Variants in STK39 observed in about 807,000 individuals in gnomAD.
STK39 encodes STE20/SPS1-related proline-alanine-rich protein kinase.
A neutral mutation model predicts 77.8 loss-of-function variants in STK39; 20 were observed. The observed-to-expected ratio is 0.26, with a 90% CI of 0.18 to 0.37. The LOEUF (loss-of-function observed/expected upper bound fraction) is 0.37. Ranked by LOEUF, STK39 falls within the 10% of genes least tolerant of loss-of-function variation. The pLI is 1.00. For synonymous variants in STK39, 246 were observed against 234.1 expected (o/e 1.05, Z -0.47); for missense variants, 479 against 656.5 (o/e 0.73, Z 2.95).
At position 168,164,595 on chromosome 2, in the gene STK39, T is replaced by TG. The variant is rs1688652576; in HGVS notation, c.431-716dup. 2.6e-5 allele frequency among the ~76,000 whole-genome samples: 4 copies of TG among 152,194 alleles called. No individual in the cohort carries two copies. The South Asian group carries it at 8.3e-4, about 32-fold the overall frequency. ...CTAATTTTTGTATTTTTTGTAGAGA[T>TG]GGGGTCTTACCACGTTGCCCATGCC... On this transcript the variant is annotated intron_variant, in intron 3 of 17. Coordinates refer to ENST00000355999, the MANE Select transcript of STK39 (RefSeq NM_013233.3).
intron 5 of STK39, among the ~76,000 whole-genome samples, chr2:168,158,969 T>C (rs1374578638): frequency 3.3e-5 from 5 of 152,200 alleles, no homozygotes; most frequent in Admixed American, 3.3e-4. Flanking sequence ...AGTGAGGGTT[T>C]CTCATGGTCT....
intron 17 of STK39, among the ~76,000 whole-genome samples, chr2:167,961,895 G>T (rs149153967): frequency 2.8e-4 from 42 of 152,260 alleles, no homozygotes; most frequent in African/African-American, 9.6e-4. Flanking sequence ...GGAACCCCAG[G>T]CTCTCTGGGG....
chr2:168,111,610 G>A (rs1186485775), intron 10 of STK39, among the ~76,000 whole-genome samples: 1 of 152,120 alleles, frequency 6.6e-6, no homozygotes, highest in Non-Finnish European at 1.5e-5. Flanking sequence ...TTGATAAAAT[G>A]ACCCAACTTA....
chr2:168,020,981 T>C (rs886255292), intron 14 of STK39, among the ~76,000 whole-genome samples: 1 of 152,148 alleles, frequency 6.6e-6, no homozygotes, highest in Non-Finnish European at 1.5e-5. Flanking sequence ...ATATGAGCAA[T>C]GATTCACTTC....
intron 1 of STK39, among the ~76,000 whole-genome samples, chr2:168,206,709 T>A (rs1455383452): frequency 6.6e-6 from 1 of 152,310 alleles, no homozygotes; most frequent in East Asian, 1.9e-4. Flanking sequence ...CATTTTATGG[T>A]GTTATGGATC....
chr2:168,007,669 C>G (rs1684165327), intron 16 of STK39, among the ~76,000 whole-genome samples: 1 of 151,826 alleles, frequency 6.6e-6, no homozygotes, highest in African/African-American at 2.4e-5. Context: ...AGGGGGTGGG[C>G]ATATATGGCC....
chr2:167,999,672 C>T (rs1183852366), intron 16 of STK39, among the ~76,000 whole-genome samples: 1 of 152,044 alleles, frequency 6.6e-6, no homozygotes, highest in African/African-American at 2.4e-5. Flanking sequence ...CCATGTTAGC[C>T]AGGATGGTCT....
intron 5 of STK39, among the ~76,000 whole-genome samples, chr2:168,157,960 A>C (rs1167306371): frequency 6.6e-6 from 1 of 152,164 alleles, no homozygotes; most frequent in African/African-American, 2.4e-5. Context: ...GATTAGCAGA[A>C]ACCACCTCAA....
intron 14 of STK39, among the ~76,000 whole-genome samples, chr2:168,041,925 T>C (rs1685116929): frequency 6.6e-6 from 1 of 152,228 alleles, no homozygotes; most frequent in African/African-American, 2.4e-5. Context: ...TCTGCCATGT[T>C]ATCCAAGGTT....
At chr2:167,973,759 A>C (rs1051677812) in intron 16 of STK39, among the ~76,000 whole-genome samples, 2 of 152,172 alleles carry the variant, frequency 1.3e-5, no homozygotes, top group African/African-American at 4.8e-5. Flanking sequence ...GTTTTAAATT[A>C]AGTAAGAATA....
intron 10 of STK39, among the ~76,000 whole-genome samples, chr2:168,125,091 C>A (rs1252097759): frequency 1.3e-5 from 2 of 152,074 alleles, no homozygotes; most frequent in African/African-American, 2.4e-5. Flanking sequence ...CCTGCACGTT[C>A]TGCACATGTA....
intron 10 of STK39, among the ~76,000 whole-genome samples, chr2:168,084,923 T>C (rs1221302321): frequency 6.6e-6 from 1 of 152,188 alleles, no homozygotes; most frequent in East Asian, 1.9e-4. Context: ...AGGATCTTAA[T>C]AGTTTGTGTT....
chr2:168,155,290 T>C (rs924070272), intron 5 of STK39, among the ~76,000 whole-genome samples: 6 of 152,186 alleles, frequency 3.9e-5, no homozygotes, highest in African/African-American at 1.4e-4. Context: ...TCCCCAAGTA[T>C]TTCTCACTGA....
At chr2:168,004,997 C>CTTTT (rs10563812) in intron 16 of STK39, among the ~76,000 whole-genome samples, 11 of 77,558 alleles carry the variant, frequency 1.4e-4, no homozygotes, top group Admixed American at 1.7e-4. Flanking sequence ...AGAAGGCCCT[C>CTTTT]TTTTTTTTTT....
chr2:168,155,804 C>T (rs1688412194), intron 5 of STK39, among the ~76,000 whole-genome samples: 1 of 152,180 alleles, frequency 6.6e-6, no homozygotes, highest in Non-Finnish European at 1.5e-5. Context: ...TCCCTCCCTG[C>T]TAAGCTGATA....
chr2:168,094,737 C>T (rs1202750819), intron 10 of STK39, among the ~76,000 whole-genome samples: 1 of 152,138 alleles, frequency 6.6e-6, no homozygotes, highest in Admixed American at 6.5e-5. Context: ...TTTGTTCTCT[C>T]TGTCATGTCC....
chr2:168,064,238 T>C (rs528311533), intron 13 of STK39, among the ~76,000 whole-genome samples: 1 of 152,322 alleles, frequency 6.6e-6, no homozygotes, highest in Admixed American at 6.5e-5. Context: ...TAGATGAAAG[T>C]GAGTCATAAA....
intron 10 of STK39, among the ~76,000 whole-genome samples, chr2:168,079,409 C>G (rs745622628): frequency 1.5e-4 from 23 of 152,190 alleles, no homozygotes; most frequent in Non-Finnish European, 2.9e-4. Flanking sequence ...CCTTCCTATC[C>G]AATCCACACT....
chr2:168,203,433 A>G (rs1210290147), intron 1 of STK39, among the ~76,000 whole-genome samples: 2 of 151,872 alleles, frequency 1.3e-5, no homozygotes, highest in Non-Finnish European at 2.9e-5. Context: ...TCAGGAAAAG[A>G]AAAAAAAGAA....
Sources: allele counts gnomAD v4.1 joint callset (sites outside exome capture counted in the v4.1 genomes callset), GRCh38; gene constraint gnomAD v4.1.1; transcripts MANE v1.5; gene names NCBI Gene and HGNC (gene_info 2026-07-23, HGNC 2026-07-21).